IFT80: variants seen among roughly 807,000 people sequenced by gnomAD.
IFT80 encodes intraflagellar transport protein 80 homolog.
Under a neutral mutation model 107.9 loss-of-function variants are expected in IFT80, and 79 were observed. The observed-to-expected ratio is 0.73, with a 90% CI of 0.61 to 0.88. The LOEUF (loss-of-function observed/expected upper bound fraction) is 0.88. Among genes scored for constraint, IFT80 ranks in the 40% least tolerant of loss-of-function variants. The probability of loss-of-function intolerance (pLI) is 0.00; values close to 1 mark genes in which losing one functional copy is unlikely to be tolerated. For missense variants in IFT80, 797 were observed against 914.2 expected (o/e 0.87, Z 1.65); for synonymous variants, 299 against 300.9 (o/e 0.99, Z 0.07).
At chr3:160,397,183 T>G (rs1713844134) in intron 1 of IFT80, among the ~76,000 whole-genome samples, 1 of 152,214 alleles carries the variant, frequency 6.6e-6, no homozygotes, top group Admixed American at 6.5e-5. Context: ...GACTCCAGAT[T>G]TTTTTCCATC....
chr3:160,380,707 G>GAA (rs140443214), intron 3 of IFT80, among the ~76,000 whole-genome samples: 2 of 147,744 alleles, frequency 1.4e-5, no homozygotes, highest in East Asian at 2.0e-4. Flanking sequence ...CTTAAAAAGT[G>GAA]AAAAAAAAAA....
At chr3:160,346,528 T>C (rs1720307721) in intron 8 of IFT80, among the ~76,000 whole-genome samples, 1 of 152,230 alleles carries the variant, frequency 6.6e-6, no homozygotes, top group Non-Finnish European at 1.5e-5. Flanking sequence ...TTGTAATTTT[T>C]TGTTGAAAAT....
chr3:160,280,895 C>T (rs1714639819), intron 14 of IFT80, 81 bp from the exon 15 acceptor site: 5 of 1,236,990 alleles, frequency 4.0e-6, no homozygotes, highest in Non-Finnish European at 5.8e-6. Flanking sequence ...GCCTGACAAA[C>T]AAAATCCCAT....
chr3:160,356,353 G>A (rs531220179), intron 7 of IFT80, among the ~76,000 whole-genome samples: 1 of 152,116 alleles, frequency 6.6e-6, no homozygotes, highest in East Asian at 1.9e-4. Context: ...ATCACACAAG[G>A]GGAAAACAAA....
At position 160,356,082 on chromosome 3, in the gene IFT80, G is replaced by T. The variant is rs770559004; in HGVS notation, c.708C>A (p.Ala236=). 2 of 1,614,112 alleles carry T rather than the reference G, an allele frequency of 1.2e-6. No homozygotes were observed. The highest frequency in any genetic ancestry group is 2.2e-5 in the South Asian group (2 of 91,080). The change falls in exon 8 of 20, where the codon GCC becomes GCA. Residue 236 remains alanine, a synonymous_variant. Transcript: ENST00000326448. ...QPHEHPITSV[A]WAPDGELFAV... is the part of the protein sequence containing the mutation. Reference sequence around the variant, plus strand: ...CAAATAATTCTCCATCTGGAGCCCAGGCAACTGAAGTAATGGGATGCTCAT... The same window carrying T: ...CAAATAATTCTCCATCTGGAGCCCATGCAACTGAAGTAATGGGATGCTCAT...
chr3:160,258,125 C>A lies in IFT80; in HGVS notation c.*400G>T. On this transcript the variant is annotated 3_prime_UTR_variant, in exon 20 of 20. Coordinates refer to ENST00000326448, the MANE Select transcript of IFT80 (RefSeq NM_020800.3). ...CATGTATTTTTGTTCTATAAATAAA[C>A]TTTTGGAGGCATTTTACAATTTAGA... is the stretch of plus-strand genomic sequence containing the variant. The A allele has an allele frequency of 4.9e-6, 1 of 204,294 alleles. No individual in the cohort carries two copies. The highest frequency in any genetic ancestry group is 9.9e-6 in the Non-Finnish European group (1 of 100,548). 12.7% of individuals were successfully genotyped at this position (204,294 alleles called of 1,614,324 possible). A position where few individuals can be genotyped will look rare whatever the true frequency, so the allele number is the denominator to read the frequency against.
intron 1 of IFT80, among the ~76,000 whole-genome samples, chr3:160,398,697 A>T (rs1284350108): frequency 2.0e-5 from 3 of 152,208 alleles, no homozygotes; most frequent in African/African-American, 7.2e-5. Context: ...GAATCGCCAA[A>T]CTTGCTTACT....
intron 16 of IFT80, 146 bp downstream of exon 16, chr3:160,279,047 G>A (rs1467124531): frequency 1.5e-6 from 1 of 648,808 alleles, no homozygotes; most frequent in Non-Finnish European, 2.7e-6. Flanking sequence ...GTATTCCTCT[G>A]TATTGCCCAT....
chr3:160,388,740 A>G (rs1387340123), intron 1 of IFT80, among the ~76,000 whole-genome samples: 3 of 152,094 alleles, frequency 2.0e-5, no homozygotes, highest in South Asian at 4.1e-4. Context: ...AAATAGGACA[A>G]TTATTCTGGA....
chr3:160,304,566 G>C (rs1716696108), intron 10 of IFT80, among the ~76,000 whole-genome samples: 1 of 151,346 alleles, frequency 6.6e-6, no homozygotes, highest in Non-Finnish European at 1.5e-5. Flanking sequence ...CTCCCGAGTA[G>C]CTGGGACTAC....
chr3:160,287,247 G>A (rs967601748), intron 12 of IFT80, among the ~76,000 whole-genome samples: 2 of 152,154 alleles, frequency 1.3e-5, no homozygotes, highest in Non-Finnish European at 2.9e-5. Flanking sequence ...CCTGAGTTCT[G>A]TGAGTCATTT....
At chr3:160,360,418 T>C (rs1039091027) in intron 6 of IFT80, among the ~76,000 whole-genome samples, 1 of 152,164 alleles carries the variant, frequency 6.6e-6, no homozygotes, top group African/African-American at 2.4e-5. Context: ...TGGAACGAAG[T>C]TGGAAAACAC....
intron 8 of IFT80, among the ~76,000 whole-genome samples, chr3:160,354,881 T>C (rs542640675): frequency 6.6e-6 from 1 of 152,158 alleles, no homozygotes; most frequent in Non-Finnish European, 1.5e-5. Context: ...CTTTTAAAGC[T>C]AGGCAGAGGA....
chr3:160,375,033 A>G lies in IFT80; in HGVS notation c.439+779T>C, dbSNP rs1711893644. ...TCCTAAAAGTAAACATGGTTTTAAAAATAAAATTTGGAAATTTTTGGAAGT... is the reference window on the plus strand; with the variant it reads ...TCCTAAAAGTAAACATGGTTTTAAAGATAAAATTTGGAAATTTTTGGAAGT... On this transcript the variant is annotated intron_variant, in intron 5 of 19. Transcript: ENST00000326448. Among the ~76,000 whole-genome samples the G allele has an allele frequency of 2.0e-5, 3 of 152,316 alleles. No homozygotes were observed. In the South Asian group the frequency reaches 6.2e-4, roughly 32 times the overall value.
chr3:160,366,294 G>A (rs1036978726), intron 5 of IFT80, 142 bp from the exon 6 acceptor site: 2 of 664,542 alleles, frequency 3.0e-6, no homozygotes, highest in Non-Finnish European at 5.3e-6. Flanking sequence ...TTTCAAATTA[G>A]AGTATATAGT....
chr3:160,280,540 A>G (rs1208211923), intron 15 of IFT80, 127 bp downstream of exon 15: 2 of 768,108 alleles, frequency 2.6e-6, no homozygotes, highest in African/African-American at 1.7e-5. Context: ...TAGCCGAACA[A>G]TTTATTCATC....
intron 18 of IFT80, among the ~76,000 whole-genome samples, chr3:160,276,593 T>C (rs1714283828): frequency 6.6e-6 from 1 of 152,160 alleles, no homozygotes. Context: ...CCTGAGAGAA[T>C]GAGTGGGAGG....
At chr3:160,371,434 T>C (rs543390173) in intron 5 of IFT80, among the ~76,000 whole-genome samples, 1 of 152,172 alleles carries the variant, frequency 6.6e-6, no homozygotes, top group Non-Finnish European at 1.5e-5. Context: ...TATTTATTTA[T>C]TAATTTGTAT....
intron 19 of IFT80, among the ~76,000 whole-genome samples, chr3:160,266,279 T>G (rs1185772407): frequency 2.6e-5 from 4 of 152,112 alleles, no homozygotes; most frequent in Admixed American, 2.0e-4. Flanking sequence ...GATAAAGATG[T>G]TAATTTTTGC....
Sources: allele counts gnomAD v4.1 joint callset (sites outside exome capture counted in the v4.1 genomes callset), GRCh38; gene constraint gnomAD v4.1.1; transcripts MANE v1.5; gene names NCBI Gene and HGNC (gene_info 2026-07-23, HGNC 2026-07-21).